Variants in CFAP92 observed in about 807,000 individuals in gnomAD.
CFAP92 encodes cilia and flagella associated protein 92 (putative), also known as uncharacterized protein CFAP92.
A neutral mutation model predicts 106.3 loss-of-function variants in CFAP92; 86 were observed. The ratio of observed to expected loss-of-function variants is 0.81; its 90% CI spans 0.68 to 0.97. CFAP92 has a LOEUF of 0.97. Among genes scored for constraint, CFAP92 ranks in the 50% least tolerant of loss-of-function variants. CFAP92 has a pLI of 0.00. For missense variants in CFAP92, 1,204 were observed against 1,283.8 expected, an observed-to-expected ratio of 0.94 and a Z score of 0.95; for synonymous variants, 477 against 506.4, an observed-to-expected ratio of 0.94 and a Z score of 0.78.
At chr3:129,014,330 C>A in the CFAP92 span, among the ~76,000 whole-genome samples, 43 of 152,220 alleles carry the variant, frequency 2.8e-4, no homozygotes, top group Non-Finnish European at 8.8e-5. The surrounding 1 kb of genome is among the most constrained non-coding windows in gnomAD (Gnocchi z 4.3). Context: ...AGACCAGGAG[C>A]TTCAACAACA....
intron 12 of CFAP92, among the ~76,000 whole-genome samples, chr3:128,931,016 C>T (rs1470453220): frequency 6.6e-6 from 1 of 152,128 alleles, no homozygotes; most frequent in African/African-American, 2.4e-5. Flanking sequence ...AGTGATTCTC[C>T]TGCTTCAGCC....
intron 9 of CFAP92, 89 bp downstream of exon 9, chr3:128,965,422 G>A (rs902103711): frequency 1.3e-4 from 53 of 398,098 alleles, no homozygotes; most frequent in Non-Finnish European, 2.2e-4. Flanking sequence ...TCTCATGTGG[G>A]GCCATCAGGA....
chr3:128,941,612 G>A (rs1939641303), intron 10 of CFAP92, among the ~76,000 whole-genome samples: 1 of 152,112 alleles, frequency 6.6e-6, no homozygotes. Flanking sequence ...AAGTAGCTGG[G>A]AATACAAGCA....
intron 10 of CFAP92, among the ~76,000 whole-genome samples, chr3:128,943,058 T>C (rs144752798): frequency 8.8e-4 from 133 of 151,588 alleles, no homozygotes; most frequent in African/African-American, 3.1e-3. Context: ...TAGCTGGGAT[T>C]ACAGGCACAC....
chr3:129,002,817 TC>T (rs1230075449), upstream of CFAP92: 3 of 155,986 alleles, frequency 1.9e-5, no homozygotes, highest in African/African-American at 4.8e-5. Flanking sequence ...CTTATGGGGC[TC>T]CCTGTGGGAG....
intron 15 of CFAP92, chr3:128,912,579 G>C: frequency 6.2e-7 from 1 of 1,614,202 alleles, no homozygotes; most frequent in Non-Finnish European, 8.5e-7. Context: ...GCCTATATCT[G>C]TGCCCACCCT....
intron 9 of CFAP92, among the ~76,000 whole-genome samples, chr3:128,952,424 T>A (rs1404925803): frequency 6.6e-6 from 1 of 152,120 alleles, no homozygotes; most frequent in African/African-American, 2.4e-5. Flanking sequence ...CATAATGTAA[T>A]ACTCAATATA....
chr3:128,922,567 A>G (rs998650744), intron 12 of CFAP92, among the ~76,000 whole-genome samples: 2 of 152,196 alleles, frequency 1.3e-5, no homozygotes, highest in African/African-American at 4.8e-5. Context: ...CAGGGAAAGG[A>G]TTTTGAAGGA....
chr3:129,009,544 C>T, the CFAP92 span, among the ~76,000 whole-genome samples: 4 of 152,306 alleles, frequency 2.6e-5, no homozygotes, highest in East Asian at 5.8e-4. Flanking sequence ...GGGGCCAGGA[C>T]AATTTGATGC....
chr3:128,965,500 C>T lies in CFAP92; in HGVS notation c.1353+11G>A. Reference sequence around the variant, plus strand: ...GGAGCTCTAAACTCCATGGGTCCGGCTCATTCTTACCTCTAGTTCCTGAAT... The same window carrying T: ...GGAGCTCTAAACTCCATGGGTCCGGTTCATTCTTACCTCTAGTTCCTGAAT... On this transcript the variant is annotated intron_variant, in intron 9 of 15. Coordinates refer to ENST00000645291, the MANE Select transcript of CFAP92 (RefSeq NM_001394090.1). The T allele has an allele frequency of 2.5e-6, 1 of 398,958 alleles. No homozygotes were observed. Among genetic ancestry groups the T allele is most frequent in the East Asian group, 3.6e-5 (1 of 28,080 alleles). The allele number at this position is 398,958 out of a possible 1,614,324, so 24.7% of individuals were successfully genotyped here. A position where few individuals can be genotyped will look rare whatever the true frequency, so the allele number is the denominator to read the frequency against.
intron 15 of CFAP92, among the ~76,000 whole-genome samples, chr3:128,912,293 A>G (rs1419659189): frequency 6.6e-6 from 1 of 152,136 alleles, no homozygotes; most frequent in Non-Finnish European, 1.5e-5. Context: ...GTTAGAGATG[A>G]GCAGGATGAG....
chr3:128,913,204 C>T (rs906807067), intron 15 of CFAP92: 9 of 384,174 alleles, frequency 2.3e-5, no homozygotes, highest in African/African-American at 1.3e-4. Flanking sequence ...GTGATGGCCT[C>T]GGGTCCCCTT....
intron 9 of CFAP92, among the ~76,000 whole-genome samples, chr3:128,956,263 G>A (rs1424498700): frequency 7.8e-6 from 1 of 128,648 alleles, no homozygotes; most frequent in Non-Finnish European, 1.7e-5. Flanking sequence ...TACCCAATCT[G>A]AACAACACAG....
At chr3:128,977,499 G>A (rs1187973147) in intron 5 of CFAP92, among the ~76,000 whole-genome samples, 2 of 152,126 alleles carry the variant, frequency 1.3e-5, no homozygotes, top group Admixed American at 1.3e-4. Context: ...TGTTTTCCCT[G>A]TTTGTTTTAT....
intron 4 of CFAP92, among the ~76,000 whole-genome samples, chr3:128,985,504 ACCTTTTCTCCTT>A (rs1429116364): frequency 6.6e-6 from 1 of 151,918 alleles, no homozygotes; most frequent in Non-Finnish European, 1.5e-5. Flanking sequence ...GCCCTAGAAC[ACCTTTTCTCCTT>A]CCTTTTCTGG....
chr3:128,933,777 C>T (rs1424722438), intron 11 of CFAP92, among the ~76,000 whole-genome samples: 1 of 152,180 alleles, frequency 6.6e-6, no homozygotes, highest in African/African-American at 2.4e-5. Flanking sequence ...CAGGCAGGAC[C>T]GGGTCTGGCC....
intron 11 of CFAP92, 91 bp downstream of exon 11, chr3:128,935,034 G>C: frequency 9.8e-7 from 1 of 1,022,906 alleles, no homozygotes; most frequent in South Asian, 1.8e-5. Flanking sequence ...TCTAGTTGTT[G>C]GATGCCCCAG....
At position 128,925,204 on chromosome 3, in the gene CFAP92, T is replaced by C. The variant is rs147598806; in HGVS notation, c.2751+7496A>G. Reference sequence around the variant, plus strand: ...TGGGAGAGGGTTGTATGGGCATGGTTTGGGGATGAAACTGTTCCACCTCAG... The same window carrying C: ...TGGGAGAGGGTTGTATGGGCATGGTCTGGGGATGAAACTGTTCCACCTCAG... On this transcript the variant is annotated intron_variant, in intron 12 of 15. Coordinates refer to ENST00000645291, the MANE Select transcript of CFAP92 (RefSeq NM_001394090.1). Among the ~76,000 whole-genome samples, 287 of 152,312 alleles carry C rather than the reference T, an allele frequency of 1.9e-3. 1 individual carries two copies. The highest frequency in any genetic ancestry group is 6.5e-3 in the African/African-American group (271 of 41,570).
rs186376708 is a variant in CFAP92, at chr3:128,975,707, G to A, written c.1021+72C>T. The A allele has an allele frequency of 3.6e-4, 453 of 1,249,406 alleles. 2 individuals carry two copies. The highest frequency in any genetic ancestry group is 3.9e-4 in the Non-Finnish European group (354 of 912,488). The allele number at this position is 1,249,406 out of a possible 1,614,324, so 77.4% of individuals were successfully genotyped here. A position where few individuals can be genotyped will look rare whatever the true frequency, so the allele number is the denominator to read the frequency against. On this transcript the variant is annotated intron_variant, in intron 7 of 15. Transcript: ENST00000645291. ...TGCAAGAATCTCATTGAAGTATCCT[G>A]AATTTAAAATATTTCATAATTATTC...
Sources: allele counts gnomAD v4.1 joint callset (sites outside exome capture counted in the v4.1 genomes callset), GRCh38; gene constraint gnomAD v4.1.1; non-coding constraint Gnocchi (gnomAD v3.1); transcripts MANE v1.5; gene names NCBI Gene and HGNC (gene_info 2026-07-23, HGNC 2026-07-21).